Variants in ASH1L observed in about 807,000 individuals in gnomAD.
The protein encoded by ASH1L is histone-lysine N-methyltransferase ASH1L.
Under a neutral mutation model 269.0 loss-of-function variants are expected in ASH1L, and 23 were observed. The ratio of observed to expected loss-of-function variants is 0.09; its 90% confidence interval spans 0.06 to 0.12. The LOEUF (loss-of-function observed/expected upper bound fraction) is 0.12, where lower values mean the gene tolerates loss of function less well. Among genes scored for constraint, ASH1L ranks in the 10% least tolerant of loss-of-function variants. The pLI, the probability that ASH1L is intolerant of heterozygous loss-of-function variation, is 1.00. For missense variants in ASH1L, 2,912 were observed against 3,567.8 expected (o/e 0.82, Z 4.68); for synonymous variants, 1,187 against 1,253.5 (o/e 0.95, Z 1.12).
rs754673280 is a variant in ASH1L at position 155,480,804 on chromosome 1, GCAGATA to G, written c.2060_2065del (p.Val687_Ser688del). 1.9e-6 allele frequency: 3 copies of G among 1,613,912 alleles called. No individual in the cohort carries two copies. Among genetic ancestry groups the G allele is most frequent in the Non-Finnish European group, 2.5e-6 (3 of 1,179,958 alleles). On this transcript the variant is annotated inframe_deletion, in exon 3 of 28. Transcript: ENST00000392403. Reference sequence around the variant, plus strand: ...AGCAACTTGGCAGTGTTTGTCTGATGCAGATACTGCACCCAGTTTTAAAAAAGGCTT... The same window carrying G: ...AGCAACTTGGCAGTGTTTGTCTGATGCTGCACCCAGTTTTAAAAAAGGCTT...
chr1:155,394,857 A>AT (rs1658219662), intron 7 of ASH1L, among the ~76,000 whole-genome samples: 1 of 152,192 alleles, frequency 6.6e-6, no homozygotes, highest in African/African-American at 2.4e-5. Flanking sequence ...CGTGGAAAAT[A>AT]TTTGACACTG....
intron 3 of ASH1L, among the ~76,000 whole-genome samples, chr1:155,464,927 A>T (rs1664563813): frequency 6.6e-6 from 1 of 152,186 alleles, no homozygotes; most frequent in Admixed American, 6.5e-5. Flanking sequence ...AAAAGAACAT[A>T]ACTGGATCAT....
rs1652346118 is a variant in ASH1L at position 155,336,686 on chromosome 1, TAAG to T, written c.*971_*973del. On this transcript the variant is annotated 3_prime_UTR_variant, in exon 28 of 28. Transcript: ENST00000392403. Reference sequence around the variant, plus strand: ...AAAGGGACATTGAAAACTGTACAATTAAGAAAACAAGAGTAGTGTTTTCAATTG... The same window carrying T: ...AAAGGGACATTGAAAACTGTACAATTAAAACAAGAGTAGTGTTTTCAATTG... 1 of 152,506 alleles carries T rather than the reference TAAG, an allele frequency of 6.6e-6. No individual in the cohort carries two copies. The highest frequency in any genetic ancestry group is 1.5e-5 in the Non-Finnish European group (1 of 68,008). 9.4% of individuals were successfully genotyped at this position (152,506 alleles called of 1,614,324 possible).
chr1:155,381,757 C>T (rs563270424), intron 7 of ASH1L, among the ~76,000 whole-genome samples: 2 of 151,046 alleles, frequency 1.3e-5, no homozygotes, highest in African/African-American at 2.4e-5. Flanking sequence ...CGCCTGTAAT[C>T]CCAGCTACTT....
Position 155,521,527 on chromosome 1 carries a change from G to T in ASH1L, c.-8C>A, listed in dbSNP as rs779830071. 1.9e-6 allele frequency: 3 copies of T among 1,591,116 alleles called. No individual in the cohort carries two copies. Among genetic ancestry groups the T allele is most frequent in the East Asian group, 2.2e-5 (1 of 44,686 alleles). On this transcript the variant is annotated 5_prime_UTR_variant, in exon 2 of 28. Coordinates refer to ENST00000392403, the MANE Select transcript of ASH1L (RefSeq NM_018489.3). ...AGTATTTCTAGGGTCCATCACAAGC[G>T]TATGTTATTGCCAAGGAATCTTATG... is the stretch of plus-strand genomic sequence containing the variant.
intron 12 of ASH1L, among the ~76,000 whole-genome samples, chr1:155,367,572 G>T (rs1447819039): frequency 6.6e-6 from 1 of 152,004 alleles, no homozygotes; most frequent in Non-Finnish European, 1.5e-5. Context: ...ATGTATAATG[G>T]TAGCTAAAGA....
chr1:155,417,420 G>A (rs539553570), intron 5 of ASH1L, among the ~76,000 whole-genome samples: 2 of 152,282 alleles, frequency 1.3e-5, no homozygotes, highest in South Asian at 2.1e-4. Context: ...CTAACTATGG[G>A]TGTCTCTTTT....
At chr1:155,356,548 T>C (rs559908489) in intron 15 of ASH1L, among the ~76,000 whole-genome samples, 67 of 148,810 alleles carry the variant, frequency 4.5e-4, no homozygotes, top group African/African-American at 1.6e-3. Flanking sequence ...GGCAGGAGAA[T>C]GGTGTGAACC....
Position 155,521,301 on chromosome 1 carries a change from A to G in ASH1L, c.219T>C (p.Phe73=). ...DDGLTDAQQQ[F]SVKETNFSEG... is the part of the protein sequence containing the mutation. Reference sequence around the variant, plus strand: ...CTGAAAAGTTTGTTTCTTTCACTGAAAACTGTTGCTGTGCATCAGTCAAAC... The same window carrying G: ...CTGAAAAGTTTGTTTCTTTCACTGAGAACTGTTGCTGTGCATCAGTCAAAC... The change falls in exon 2 of 28, where the codon TTT becomes TTC. Residue 73 remains phenylalanine (F), a synonymous_variant. Coordinates refer to ENST00000392403, the MANE Select transcript of ASH1L (RefSeq NM_018489.3). The G allele has an allele frequency of 6.2e-7, 1 of 1,614,120 alleles. No homozygotes were observed. Among genetic ancestry groups the G allele is most frequent in the Non-Finnish European group, 8.5e-7 (1 of 1,180,014 alleles).
At chr1:155,351,826 G>A (rs1176176878) in intron 17 of ASH1L, among the ~76,000 whole-genome samples, 2 of 151,566 alleles carry the variant, frequency 1.3e-5, no homozygotes, top group Non-Finnish European at 2.9e-5. Context: ...ACTCCAGCCT[G>A]CGTGACAGAG....
chr1:155,439,670 C>T (rs930141973), intron 4 of ASH1L, among the ~76,000 whole-genome samples: 1 of 152,034 alleles, frequency 6.6e-6, no homozygotes, highest in African/African-American at 2.4e-5. Context: ...ATCAGGACGA[C>T]AGAGCGAGAC....
At chr1:155,342,297 A>G (rs1165942745) in intron 24 of ASH1L, among the ~76,000 whole-genome samples, 195 bp from the exon 25 acceptor site, 1 of 152,200 alleles carries the variant, frequency 6.6e-6, no homozygotes, top group East Asian at 1.9e-4. Flanking sequence ...TCAACAAAGG[A>G]TAAAGTAAAT....
chr1:155,466,458 T>A (rs1400526970), intron 3 of ASH1L, among the ~76,000 whole-genome samples: 2 of 152,220 alleles, frequency 1.3e-5, no homozygotes, highest in Non-Finnish European at 2.9e-5. Flanking sequence ...ATGGAATTCT[T>A]CTGGAAATTC....
In ASH1L at chr1:155,479,956, T is replaced by C; in HGVS notation, c.2914A>G (p.Lys972Glu). The change falls in exon 3 of 28, where the codon AAG becomes GAG. Residue 972 changes from lysine to glutamate, a missense_variant. This residue lies in a region of ASH1L where 715 missense variants were observed against 721.0 expected (regional missense o/e 0.99). Coordinates refer to ENST00000392403, the MANE Select transcript of ASH1L (RefSeq NM_018489.3). ...LEMEPDKKITKRNNGQLMKTI... is the reference protein window; with the variant it reads ...LEMEPDKKITERNNGQLMKTI... ...TTCATTAATTGTCCATTGTTTCTCT[T>C]GGTAATTTTTTTATCTGGTTCCATC... The C allele has an allele frequency of 2.5e-6, 4 of 1,613,666 alleles. No homozygotes were observed. The highest frequency in any genetic ancestry group is 2.2e-5 in the East Asian group (1 of 44,884).
In ASH1L at chr1:155,397,219, G is replaced by C. The variant is rs146227266; in HGVS notation, c.6009-1666C>G. ...ATCAGTGTAAGAAAGATTGCTGACC[G>C]GACAGGGTGGCTCATGCCTGCAATC... On this transcript the variant is annotated intron_variant, in intron 6 of 27. Transcript: ENST00000392403. Among the ~76,000 whole-genome samples the C allele has an allele frequency of 6.0e-3, 905 of 151,818 alleles. 7 individuals carry two copies. The highest frequency in any genetic ancestry group is 0.021 in the African/African-American group (852 of 41,432).
chr1:155,372,608 C>CT (rs879896644), intron 10 of ASH1L, among the ~76,000 whole-genome samples: 86 of 143,052 alleles, frequency 6.0e-4, no homozygotes, highest in Admixed American at 2.2e-3. Flanking sequence ...TGTGCCTGGC[C>CT]TTTTTTTTTT....
At chr1:155,438,305 A>G in intron 5 of ASH1L, 22 bp downstream of exon 5, 1 of 1,524,290 alleles carries the variant, frequency 6.6e-7, no homozygotes, top group Non-Finnish European at 8.8e-7. Context: ...CTACTCAGAT[A>G]ATATGTTAAA....
intron 17 of ASH1L, among the ~76,000 whole-genome samples, chr1:155,352,190 T>C (rs776415875): frequency 1.5e-4 from 22 of 150,186 alleles, no homozygotes; most frequent in Middle Eastern, 3.6e-3. Context: ...AAGACAGACA[T>C]GGTGGCTCAT....
chr1:155,407,721 A>G (rs562425639), intron 6 of ASH1L, among the ~76,000 whole-genome samples: 1 of 152,286 alleles, frequency 6.6e-6, no homozygotes, highest in African/African-American at 2.4e-5. Context: ...GCACAATGGA[A>G]TATTATTTGG....
Sources: gnomAD v4.1 joint callset for allele counts (sites outside exome capture counted in the v4.1 genomes callset) on GRCh38, gnomAD v4.1.1 for gene constraint, gnomAD v4.1.1 regional missense constraint, MANE v1.5 for transcripts, NCBI Gene and HGNC (gene_info 2026-07-23, HGNC 2026-07-21) for gene names.